SMPX: variants seen among roughly 807,000 people sequenced by gnomAD.
SMPX encodes the protein small muscle protein X-linked.
SMPX carries 2 observed loss-of-function variants against 6.3 expected under a neutral mutation model. The observed-to-expected ratio is 0.32, with a 90% CI of 0.13 to 0.99. The LOEUF (loss-of-function observed/expected upper bound fraction) is 0.99, where lower values mean the gene tolerates loss of function less well. Ranked by LOEUF, SMPX falls within the 50% of genes least tolerant of loss-of-function variation. The pLI, the probability that SMPX is intolerant of heterozygous loss-of-function variation, is 0.49. For synonymous variants in SMPX, 32 were observed against 24.7 expected (o/e 1.30, Z -0.88); for missense variants, 60 against 66.8 (o/e 0.90, Z 0.36).
At position 21,706,190 on chromosome X, in the gene SMPX, A is replaced by T. The variant is rs1464630439; in HGVS notation, c.*219T>A. The T allele has an allele frequency of 3.9e-6, 2 of 511,318 alleles. No individual in the cohort carries two copies. Among genetic ancestry groups the T allele is most frequent in the South Asian group, 4.9e-5 (2 of 40,430 alleles). The allele number at this position is 511,318 out of a possible 1,213,427, so 42.1% of individuals were successfully genotyped here. A position where few individuals can be genotyped will look rare whatever the true frequency, so the allele number is the denominator to read the frequency against. On this transcript the variant is annotated 3_prime_UTR_variant, in exon 5 of 5. Transcript: ENST00000379494. ...ACCACACCCTCCAGGTGTTGAATTT[A>T]TGGGCTAATTTGTTCTGTGAGGTGC... is the stretch of plus-strand genomic sequence containing the variant.
chrX:21,742,329 G>A (rs1428508355), intron 3 of SMPX, among the ~76,000 whole-genome samples: 1 of 112,169 alleles, frequency 8.9e-6, no homozygotes, highest in Non-Finnish European at 1.9e-5. Flanking sequence ...ATGAAAATTG[G>A]ATAATTACAT....
intron 3 of SMPX, among the ~76,000 whole-genome samples, chrX:21,739,935 T>C (rs1252024261): frequency 8.9e-6 from 1 of 112,487 alleles, no homozygotes; most frequent in Non-Finnish European, 1.9e-5. Context: ...CAAAAATTTT[T>C]GCAGTGAGCA....
At chrX:21,738,766 T>C (rs1176570002) in intron 3 of SMPX, among the ~76,000 whole-genome samples, 2 of 110,941 alleles carry the variant, frequency 1.8e-5, no homozygotes, top group Non-Finnish European at 3.8e-5. Flanking sequence ...GCGGGCCCAT[T>C]CCTGGGAGAC....
At chrX:21,752,944 T>C (rs2092829065) in intron 2 of SMPX, among the ~76,000 whole-genome samples, 1 of 111,862 alleles carries the variant, frequency 8.9e-6, no homozygotes, top group Admixed American at 9.5e-5. Context: ...TTTCCCATGA[T>C]CCTACACCAG....
intron 2 of SMPX, 34 bp downstream of exon 2, chrX:21,754,212 A>C (rs780210941): frequency 6.8e-6 from 8 of 1,178,043 alleles, no homozygotes; most frequent in Non-Finnish European, 8.1e-6. Flanking sequence ...ATGACTTATT[A>C]AGCAACCAGG....
intron 4 of SMPX, among the ~76,000 whole-genome samples, chrX:21,718,076 C>T (rs1191400551): frequency 8.9e-6 from 1 of 111,755 alleles, no homozygotes; most frequent in Non-Finnish European, 1.9e-5. Flanking sequence ...GGGCAGTGAC[C>T]CGATCCATTT....
intron 4 of SMPX, among the ~76,000 whole-genome samples, chrX:21,719,540 A>AAAAGAAAGAAAGAAAG (rs377515861): frequency 7.4e-5 from 8 of 108,842 alleles, no homozygotes; most frequent in African/African-American, 2.4e-4. Context: ...GAAGAAGAAG[A>AAAAGAAAGAAAGAAAG]AAAGAAAGAA....
chrX:21,716,956 A>C (rs2092785884), intron 4 of SMPX, among the ~76,000 whole-genome samples: 2 of 112,122 alleles, frequency 1.8e-5, no homozygotes, highest in African/African-American at 6.5e-5. Flanking sequence ...AAATTTAAGG[A>C]GTACAAATGC....
chrX:21,741,803 A>G (rs1030048648), intron 3 of SMPX, among the ~76,000 whole-genome samples: 14 of 112,108 alleles, frequency 1.2e-4, no homozygotes, highest in Admixed American at 3.8e-4. Context: ...AAAAACAGAA[A>G]CATCCCTGGG....
intron 4 of SMPX, among the ~76,000 whole-genome samples, chrX:21,730,241 T>G (rs1013423818): frequency 9.0e-6 from 1 of 111,449 alleles, no homozygotes; most frequent in Non-Finnish European, 1.9e-5. Flanking sequence ...TAGTTCTATG[T>G]GAAACAATAA....
At chrX:21,719,845 A>G (rs2092789700) in intron 4 of SMPX, among the ~76,000 whole-genome samples, 1 of 112,385 alleles carries the variant, frequency 8.9e-6, no homozygotes, top group African/African-American at 3.2e-5. Flanking sequence ...CTGGCTTCAC[A>G]TTTGGAAATA....
chrX:21,743,947 A>C, intron 2 of SMPX, 111 bp from the exon 3 acceptor site: 1 of 579,915 alleles, frequency 1.7e-6, no homozygotes, highest in Non-Finnish European at 2.9e-6. Flanking sequence ...ACATCTTCAA[A>C]GCTTTTTATC....
chrX:21,755,602 A>G (rs1483598154), intron 1 of SMPX, among the ~76,000 whole-genome samples: 1 of 112,355 alleles, frequency 8.9e-6, no homozygotes. Context: ...TTATATAGGT[A>G]TGTTCCCCAA....
chrX:21,708,014 ACTT>A (rs1238292517), intron 4 of SMPX, among the ~76,000 whole-genome samples: 4 of 112,929 alleles, frequency 3.5e-5, no homozygotes, highest in African/African-American at 9.6e-5. Context: ...ATATGGTGCC[ACTT>A]CTTTTCAAAG....
At chrX:21,719,412 G>A (rs191857306) in intron 4 of SMPX, among the ~76,000 whole-genome samples, 13 of 110,299 alleles carry the variant, frequency 1.2e-4, no homozygotes, top group Admixed American at 9.7e-4. Context: ...CAGCTCCTCC[G>A]GAGGCTGAGG....
At chrX:21,731,427 AT>A (rs1214573665) in intron 4 of SMPX, among the ~76,000 whole-genome samples, 19 of 55,098 alleles carry the variant, frequency 3.4e-4, no homozygotes, top group African/African-American at 5.8e-4. Flanking sequence ...ATACACACAT[AT>A]ATGTGTGTAT....
At chrX:21,708,131 T>C (rs2092774888) in intron 4 of SMPX, among the ~76,000 whole-genome samples, 1 of 112,589 alleles carries the variant, frequency 8.9e-6, no homozygotes, top group Non-Finnish European at 1.9e-5. Context: ...AGCTGAATCT[T>C]TTCTTAAAAA....
intron 4 of SMPX, among the ~76,000 whole-genome samples, chrX:21,718,881 A>G (rs1435134881): frequency 4.5e-5 from 5 of 112,162 alleles, no homozygotes; most frequent in Non-Finnish European, 9.4e-5. Context: ...GAACGGATTG[A>G]AAAAGGATAG....
At chrX:21,728,781 A>G (rs181977354) in intron 4 of SMPX, among the ~76,000 whole-genome samples, 1 of 112,540 alleles carries the variant, frequency 8.9e-6, no homozygotes, top group African/African-American at 3.2e-5. Flanking sequence ...CAAGTTGCAT[A>G]AGCTCTCTTA....
Sources: gnomAD v4.1 joint callset for allele counts (sites outside exome capture counted in the v4.1 genomes callset) on GRCh38, gnomAD v4.1.1 for gene constraint, MANE v1.5 for transcripts, NCBI Gene and HGNC (gene_info 2026-07-23, HGNC 2026-07-21) for gene names.